The following PDE3A variants were observed in gnomAD, a reference collection of about 807,000 sequenced individuals.
PDE3A encodes cGMP-inhibited 3',5'-cyclic phosphodiesterase 3A.
In PDE3A, 43 loss-of-function variants were observed where a neutral mutation model predicts 98.3. That is an observed-to-expected ratio of 0.44 (90% CI 0.34 to 0.56). PDE3A has a LOEUF of 0.56. PDE3A is among the 20% of genes least tolerant of loss of function. The probability of loss-of-function intolerance (pLI) is 0.01; values close to 1 mark genes in which losing one functional copy is unlikely to be tolerated. For missense variants in PDE3A, 1,427 were observed against 1,440.7 expected (o/e 0.99, Z 0.15); for synonymous variants, 663 against 567.9 (o/e 1.17, Z -2.38).
intron 2 of PDE3A, among the ~76,000 whole-genome samples, 163 bp from the exon 3 acceptor site, chr12:20,613,280 G>A (rs567446213): frequency 6.6e-6 from 1 of 152,200 alleles, no homozygotes; most frequent in East Asian, 1.9e-4. Flanking sequence ...TGGCAGCTAG[G>A]GCACATTTTA....
At chr12:20,669,847 C>T (rs1157118639) in intron 15 of PDE3A, among the ~76,000 whole-genome samples, 5 of 151,282 alleles carry the variant, frequency 3.3e-5, no homozygotes, top group Admixed American at 2.0e-4. Flanking sequence ...TCACACATAA[C>T]AATATTAACT....
At chr12:20,599,407 G>C (rs1943537777) in intron 2 of PDE3A, among the ~76,000 whole-genome samples, 1 of 152,110 alleles carries the variant, frequency 6.6e-6, no homozygotes, top group African/African-American at 2.4e-5. Context: ...AATCTAGCCA[G>C]CTCTTTTTTA....
At chr12:20,452,807 G>T (rs1945089748) in intron 1 of PDE3A, among the ~76,000 whole-genome samples, 3 of 152,178 alleles carry the variant, frequency 2.0e-5, no homozygotes, top group Admixed American at 2.0e-4. Flanking sequence ...TGGAAGGGAA[G>T]CATGCCAGCC....
intron 2 of PDE3A, among the ~76,000 whole-genome samples, chr12:20,611,533 T>C (rs781485050): frequency 2.0e-5 from 3 of 151,920 alleles, no homozygotes; most frequent in Non-Finnish European, 2.9e-5. Flanking sequence ...GCAAGTTATT[T>C]GTGTCTAATG....
chr12:20,559,505 T>TAAC (rs1433951885), intron 2 of PDE3A, among the ~76,000 whole-genome samples: 1 of 150,306 alleles, frequency 6.7e-6, no homozygotes, highest in Admixed American at 6.7e-5. Flanking sequence ...ATAATAATAA[T>TAAC]AATAATAGTA....
Position 20,494,514 on chromosome 12 carries a change from C to T in PDE3A, c.961-62146C>T, listed in dbSNP as rs531998093. Among the ~76,000 whole-genome samples the T allele has an allele frequency of 4.4e-4, 67 of 151,706 alleles. 1 individual carries two copies. The highest frequency in any genetic ancestry group is 1.5e-3 in the African/African-American group (64 of 41,428). On this transcript the variant is annotated intron_variant, in intron 1 of 15. Coordinates refer to ENST00000359062, the MANE Select transcript of PDE3A (RefSeq NM_000921.5). ...CATTTCTTAACAGAATAATGTATCT[C>T]GTGAGTGTTATGTATGTGTGTCTCT...
intron 1 of PDE3A, among the ~76,000 whole-genome samples, chr12:20,488,961 G>A (rs955913019): frequency 1.3e-5 from 2 of 151,566 alleles, no homozygotes; most frequent in Non-Finnish European, 2.9e-5. Flanking sequence ...GGTTCAAAGC[G>A]ATATTTTATA....
intron 15 of PDE3A, among the ~76,000 whole-genome samples, chr12:20,663,392 A>G (rs1308845299): frequency 6.6e-6 from 1 of 152,068 alleles, no homozygotes; most frequent in Non-Finnish European, 1.5e-5. Context: ...AACAGCTTGC[A>G]CTGTGCACCT....
At chr12:20,490,201 G>A (rs913915709) in intron 1 of PDE3A, among the ~76,000 whole-genome samples, 2 of 152,130 alleles carry the variant, frequency 1.3e-5, no homozygotes, top group Non-Finnish European at 2.9e-5. Flanking sequence ...AGTGTTAGGT[G>A]CTAATATAAA....
At chr12:20,511,784 AAG>A (rs574187661) in intron 1 of PDE3A, among the ~76,000 whole-genome samples, 2 of 152,060 alleles carry the variant, frequency 1.3e-5, no homozygotes, top group Non-Finnish European at 1.5e-5. Flanking sequence ...GGCAAAGAGA[AAG>A]AGAGACTGCA....
chr12:20,633,906 G>C, intron 7 of PDE3A, 128 bp downstream of exon 7: 1 of 578,718 alleles, frequency 1.7e-6, no homozygotes, highest in East Asian at 3.1e-5. Flanking sequence ...CATGATGTTG[G>C]TCAGGTCGGT....
chr12:20,433,623 T>C (rs951206320), intron 1 of PDE3A, among the ~76,000 whole-genome samples: 6 of 152,182 alleles, frequency 3.9e-5, no homozygotes, highest in African/African-American at 1.2e-4. Flanking sequence ...TTTTAATAAA[T>C]ACTGTACATA....
intron 15 of PDE3A, among the ~76,000 whole-genome samples, chr12:20,666,804 T>C (rs1470916137): frequency 6.6e-6 from 1 of 152,244 alleles, no homozygotes; most frequent in African/African-American, 2.4e-5. Flanking sequence ...AGTAGTGGGA[T>C]TGCTAGATCA....
chr12:20,644,787 T>C (rs1380004363), intron 10 of PDE3A, among the ~76,000 whole-genome samples: 1 of 151,694 alleles, frequency 6.6e-6, no homozygotes, highest in Non-Finnish European at 1.5e-5. Flanking sequence ...TTTGCTATTT[T>C]CTCCTCAGGA....
chr12:20,467,721 G>A lies in PDE3A; in HGVS notation c.961-88939G>A, dbSNP rs560631217. Among the ~76,000 whole-genome samples the A allele has an allele frequency of 1.7e-4, 26 of 151,810 alleles. No homozygotes were observed. In the South Asian group the frequency reaches 5.2e-3, roughly 30 times the overall value. ...GGAGGCCAAGGTGGGTGGATCACGAGGTCAAGAGATTGAGACCATCCTGGC... is the reference window on the plus strand; with the variant it reads ...GGAGGCCAAGGTGGGTGGATCACGAAGTCAAGAGATTGAGACCATCCTGGC... On this transcript the variant is annotated intron_variant, in intron 1 of 15. Transcript: ENST00000359062.
At chr12:20,634,835 A>G (rs1944462471) in intron 7 of PDE3A, 67 bp from the exon 8 acceptor site, 16 of 1,159,464 alleles carry the variant, frequency 1.4e-5, no homozygotes, top group Non-Finnish European at 3.9e-6. Context: ...TCTTAGCAAA[A>G]TTTGCTTAAA....
intron 1 of PDE3A, among the ~76,000 whole-genome samples, chr12:20,555,178 C>T (rs997208429): frequency 2.6e-5 from 4 of 152,092 alleles, no homozygotes; most frequent in African/African-American, 9.7e-5. Flanking sequence ...TGCACACTAC[C>T]ACGCCTGGCT....
intron 15 of PDE3A, among the ~76,000 whole-genome samples, chr12:20,674,747 A>T (rs113616752): frequency 7.2e-5 from 11 of 152,146 alleles, no homozygotes; most frequent in African/African-American, 2.4e-4. Context: ...ACTTGTTCAA[A>T]ATAGTCTCTG....
At chr12:20,639,564 G>A (rs1944600103) in intron 9 of PDE3A, among the ~76,000 whole-genome samples, 1 of 152,022 alleles carries the variant, frequency 6.6e-6, no homozygotes, top group South Asian at 2.1e-4. Flanking sequence ...ATGAATTAAT[G>A]TGAACATTCC....
Sources: gnomAD v4.1 joint callset for allele counts (sites outside exome capture counted in the v4.1 genomes callset) on GRCh38, gnomAD v4.1.1 for gene constraint, MANE v1.5 for transcripts, NCBI Gene and HGNC (gene_info 2026-07-23, HGNC 2026-07-21) for gene names.